Variants in UBN2 observed in about 807,000 individuals in gnomAD.
UBN2 encodes ubinuclein-2.
Under a neutral mutation model 120.2 loss-of-function variants are expected in UBN2, and 35 were observed. The observed-to-expected ratio is 0.29, with a 90% CI of 0.22 to 0.39. The LOEUF is 0.39. UBN2 is among the 10% of genes least tolerant of loss of function. UBN2 has a pLI of 1.00. For synonymous variants in UBN2, 661 were observed against 648.7 expected (o/e 1.02, Z -0.29); for missense variants, 1,693 against 1,663.2 (o/e 1.02, Z -0.31).
At chr7:139,323,750 C>T in the UBN2 span, among the ~76,000 whole-genome samples, 7 of 151,902 alleles carry the variant, frequency 4.6e-5, no homozygotes, top group Non-Finnish European at 1.0e-4. Flanking sequence ...CCACCAAGCC[C>T]GGCTAATTTT....
rs764147759 is a variant in UBN2 at position 139,284,039 on chromosome 7, C to G, written c.3134C>G (p.Pro1045Arg). The change falls in exon 15 of 18, where the codon CCT becomes CGT. Residue 1045 changes from proline (P) to arginine (R), a missense_variant. Around this residue, in one of 5 missense-constraint regions of UBN2, gnomAD observed 837 missense variants for 817.6 expected, o/e 1.02. Coordinates refer to ENST00000473989, the MANE Select transcript of UBN2 (RefSeq NM_173569.4). ...CCAAAACTTGCCGCATCTCCCAAGC[C>G]TGCCACATCTCCTAAACCCCTGCCC... ...ASPKLAASPK[P>R]ATSPKPLPSP... 1.9e-6 allele frequency: 3 copies of G among 1,614,190 alleles called. No individual in the cohort carries two copies. Among genetic ancestry groups the G allele is most frequent in the Non-Finnish European group, 2.5e-6 (3 of 1,180,046 alleles).
intron 15 of UBN2, among the ~76,000 whole-genome samples, chr7:139,287,412 C>CT (rs1377778429): frequency 6.6e-6 from 1 of 152,078 alleles, no homozygotes; most frequent in Non-Finnish European, 1.5e-5. Context: ...TTTCTTTGAA[C>CT]TTAAGATTAA....
At chr7:139,272,492 C>CATTAT (rs1797307535) in intron 9 of UBN2, 52 bp downstream of exon 9, 4 of 1,201,372 alleles carry the variant, frequency 3.3e-6, no homozygotes, top group African/African-American at 2.2e-5. Context: ...AGTGTATGTA[C>CATTAT]GTTATGTATG....
At chr7:139,325,272 T>TTC in the UBN2 span, among the ~76,000 whole-genome samples, 1 of 141,680 alleles carries the variant, frequency 7.1e-6, no homozygotes, top group African/African-American at 2.6e-5. Flanking sequence ...TTTTTTTTTT[T>TTC]TTTTTTTTTT....
intron 15 of UBN2, among the ~76,000 whole-genome samples, chr7:139,285,242 C>T (rs989787673): frequency 2.0e-5 from 3 of 152,050 alleles, no homozygotes; most frequent in East Asian, 1.9e-4. Context: ...CATGGTGGCT[C>T]GTGTCTGTAA....
chr7:139,249,208 C>G (rs959646917), intron 2 of UBN2, among the ~76,000 whole-genome samples: 2 of 152,214 alleles, frequency 1.3e-5, no homozygotes, highest in South Asian at 2.1e-4. Context: ...CCATTACTTA[C>G]ATTTCGCACC....
At chr7:139,239,952 GA>G (rs1584985097) in intron 2 of UBN2, among the ~76,000 whole-genome samples, 1 of 152,276 alleles carries the variant, frequency 6.6e-6, no homozygotes, top group East Asian at 1.9e-4. Flanking sequence ...TAAGTAAAGT[GA>G]TTCAGTATAT....
intron 7 of UBN2, 139 bp from the exon 8 acceptor site, chr7:139,269,255 T>A (rs79722985): frequency 8.5e-6 from 7 of 824,014 alleles, no homozygotes; most frequent in South Asian, 2.6e-5. Context: ...GGTTTTTTTT[T>A]ATTTTTTCCA....
At chr7:139,316,077 C>CAAAAAAAAAAAAAAAAAAAAAAA in the UBN2 span, among the ~76,000 whole-genome samples, 5 of 14,186 alleles carry the variant, frequency 3.5e-4, 2 homozygotes, top group Non-Finnish European at 1.5e-4. Flanking sequence ...GACTTCGTCT[C>CAAAAAAAAAAAAAAAAAAAAAAA]AAAAAAAAAA....
the UBN2 span, among the ~76,000 whole-genome samples, chr7:139,329,847 C>T: frequency 6.6e-6 from 1 of 152,060 alleles, no homozygotes; most frequent in Non-Finnish European, 1.5e-5. Flanking sequence ...AGGACTGGGG[C>T]CACTAACATA....
At chr7:139,329,752 C>T in the UBN2 span, among the ~76,000 whole-genome samples, 2 of 151,978 alleles carry the variant, frequency 1.3e-5, no homozygotes, top group African/African-American at 4.8e-5. Flanking sequence ...AGGGCCAAAC[C>T]CTTCTTTGGA....
chr7:139,231,415 GGGCA>G lies in UBN2; in HGVS notation c.-65_-62del. 3 of 1,199,440 alleles carry G rather than the reference GGGCA, an allele frequency of 2.5e-6. No individual in the cohort carries two copies. Among genetic ancestry groups the G allele is most frequent in the Non-Finnish European group, 3.2e-6 (3 of 942,858 alleles). 74.3% of individuals were successfully genotyped at this position (1,199,440 alleles called of 1,614,324 possible). ...AGCGACAGAGAGCAAGAGGAAGGGCGGGCAGGCACGCAGCGCGCCGTAGAAGCGA... is the reference window on the plus strand; with the variant it reads ...AGCGACAGAGAGCAAGAGGAAGGGCGGGCACGCAGCGCGCCGTAGAAGCGA... On this transcript the variant is annotated 5_prime_UTR_variant, in exon 1 of 18. It introduces an in-frame stop codon into an upstream open reading frame of the 5' UTR. Transcript: ENST00000473989.
In UBN2 at chr7:139,302,241, A is replaced by G. The variant is rs1798276184; in HGVS notation, c.*4405A>G. ...CTTCCTTTGCTTTCTATGTATATGG[A>G]TATATGTGTAAGATACATACATTAC... On this transcript the variant is annotated 3_prime_UTR_variant, in exon 18 of 18. Transcript: ENST00000473989. The G allele has an allele frequency of 6.6e-6, 1 of 152,158 alleles. No homozygotes were observed. Among genetic ancestry groups the G allele is most frequent in the South Asian group, 2.1e-4 (1 of 4,826 alleles). 9.4% of individuals were successfully genotyped at this position (152,158 alleles called of 1,614,324 possible).
chr7:139,234,048 C>T (rs547190378), intron 1 of UBN2, among the ~76,000 whole-genome samples: 1 of 151,932 alleles, frequency 6.6e-6, no homozygotes, highest in African/African-American at 2.4e-5. Flanking sequence ...CAGTGTATAT[C>T]CTTATTATGC....
At chr7:139,290,428 G>C (rs1198837308) in intron 15 of UBN2, among the ~76,000 whole-genome samples, 1 of 152,210 alleles carries the variant, frequency 6.6e-6, no homozygotes, top group Admixed American at 6.5e-5. Context: ...TTGTACTTAA[G>C]TGTAAGAGCA....
At chr7:139,250,052 A>G (rs1796580356) in intron 2 of UBN2, among the ~76,000 whole-genome samples, 1 of 152,014 alleles carries the variant, frequency 6.6e-6, no homozygotes, top group African/African-American at 2.4e-5. Flanking sequence ...CAAAAAAAAT[A>G]TCATGGGACA....
rs575980855 is a variant in UBN2 at position 139,251,232 on chromosome 7, G to A, written c.562-724G>A. On this transcript the variant is annotated intron_variant, in intron 2 of 17. Transcript: ENST00000473989. ...ATAATTTTAAGTTTACAGGAAAGTT[G>A]CAAAGACAATACAGAGAGTTCCCAT... 2.0e-5 allele frequency among the ~76,000 whole-genome samples: 3 copies of A among 152,218 alleles called. No individual in the cohort carries two copies. In the East Asian group the frequency reaches 5.8e-4, roughly 29 times the overall value.
chr7:139,233,723 GTC>G (rs1796088633), intron 1 of UBN2, among the ~76,000 whole-genome samples: 1 of 152,032 alleles, frequency 6.6e-6, no homozygotes, highest in African/African-American at 2.4e-5. Flanking sequence ...CCTTTATTAT[GTC>G]TCTGTTTATG....
the UBN2 span, among the ~76,000 whole-genome samples, chr7:139,323,555 GATTATTATTATTATT>G: frequency 1.6e-3 from 227 of 141,604 alleles, no homozygotes; most frequent in Non-Finnish European, 2.2e-3. Flanking sequence ...TTCTGGACCT[GATTATTATTATTATT>G]ATTATTATTA....
Sources: allele counts gnomAD v4.1 joint callset (sites outside exome capture counted in the v4.1 genomes callset), GRCh38; gene constraint gnomAD v4.1.1; regional missense constraint gnomAD v4.1.1; transcripts MANE v1.5; gene names NCBI Gene and HGNC (gene_info 2026-07-23, HGNC 2026-07-21).